IL1RAPL1: variants seen among roughly 807,000 people sequenced by gnomAD.
IL1RAPL1 encodes interleukin 1 receptor accessory protein like 1, also known as interleukin-1 receptor accessory protein-like 1.
A neutral mutation model predicts 48.4 loss-of-function variants in IL1RAPL1; 3 were observed. That is an observed-to-expected ratio of 0.06 (90% confidence interval 0.03 to 0.16). IL1RAPL1 has a LOEUF of 0.16. Among genes scored for constraint, IL1RAPL1 ranks in the 10% least tolerant of loss-of-function variants. The pLI is 1.00. For synonymous variants in IL1RAPL1, 185 were observed against 187.7 expected, an observed-to-expected ratio of 0.99 and a Z score of 0.12; for missense variants, 349 against 530.6, an observed-to-expected ratio of 0.66 and a Z score of 3.36.
intron 5 of IL1RAPL1, among the ~76,000 whole-genome samples, chrX:29,506,420 TCTTCTTCTCCTTCTC>T (rs1935327719): frequency 1.3e-5 from 1 of 74,211 alleles, no homozygotes; most frequent in African/African-American, 5.2e-5. Flanking sequence ...TTTCTCTTCT[TCTTCTTCTCCTTCTC>T]CTTCTCCTCC....
intron 2 of IL1RAPL1, among the ~76,000 whole-genome samples, chrX:29,155,017 T>C (rs1334228589): frequency 1.8e-5 from 2 of 109,178 alleles, no homozygotes; most frequent in African/African-American, 3.3e-5. Flanking sequence ...CTTTTTTTTT[T>C]TTTTCTTGAG....
intron 2 of IL1RAPL1, among the ~76,000 whole-genome samples, chrX:28,862,550 C>T (rs1044533222): frequency 3.0e-4 from 34 of 111,574 alleles, no homozygotes; most frequent in Non-Finnish European, 4.7e-4. Context: ...AACTTCAGGC[C>T]ACTCCCTGTG....
chrX:29,580,384 G>A (rs1269465429), intron 5 of IL1RAPL1, among the ~76,000 whole-genome samples: 3 of 111,371 alleles, frequency 2.7e-5, no homozygotes, highest in East Asian at 2.8e-4. Flanking sequence ...GATTTGTGGA[G>A]ATGTCTCCAC....
chrX:29,564,098 G>A (rs1922324102), intron 5 of IL1RAPL1, among the ~76,000 whole-genome samples: 1 of 111,431 alleles, frequency 9.0e-6, no homozygotes, highest in Admixed American at 9.6e-5. Context: ...TAATTTATTG[G>A]AACTGTGAGT....
At chrX:28,940,933 T>C (rs1202716408) in intron 2 of IL1RAPL1, among the ~76,000 whole-genome samples, 1 of 110,841 alleles carries the variant, frequency 9.0e-6, no homozygotes. Context: ...TGAGTGAAAA[T>C]TGGATTTTCC....
At chrX:29,952,240 C>T (rs1381282529) in intron 9 of IL1RAPL1, among the ~76,000 whole-genome samples, 2 of 111,655 alleles carry the variant, frequency 1.8e-5, no homozygotes, top group African/African-American at 3.3e-5. Context: ...CTAATTATTA[C>T]ACAACCCCAG....
chrX:29,281,435 G>C (rs887745102), intron 2 of IL1RAPL1, among the ~76,000 whole-genome samples: 47 of 111,098 alleles, frequency 4.2e-4, no homozygotes, highest in African/African-American at 1.5e-3. Context: ...ATCAAAAAAT[G>C]GTGTCAAGAT....
chrX:28,724,483 A>G (rs1440478860), intron 1 of IL1RAPL1, among the ~76,000 whole-genome samples: 4 of 110,478 alleles, frequency 3.6e-5, no homozygotes, highest in Admixed American at 9.7e-5. Flanking sequence ...TTGAGCCTAT[A>G]TGTGTCTCTG....
intron 5 of IL1RAPL1, among the ~76,000 whole-genome samples, chrX:29,565,434 C>T (rs185716459): frequency 8.4e-4 from 93 of 110,795 alleles, no homozygotes; most frequent in Admixed American, 3.6e-3. Context: ...GATCACTATT[C>T]GGAATATGCA....
chrX:28,729,211 A>T (rs890140018), intron 1 of IL1RAPL1, among the ~76,000 whole-genome samples: 1 of 111,916 alleles, frequency 8.9e-6, no homozygotes, highest in African/African-American at 3.2e-5. Context: ...AATTATATGT[A>T]TAAAATTCCC....
chrX:29,508,205 A>G (rs1475746403), intron 5 of IL1RAPL1, among the ~76,000 whole-genome samples: 1 of 111,530 alleles, frequency 9.0e-6, no homozygotes, highest in African/African-American at 3.3e-5. Context: ...TAAGAAACAC[A>G]TGAAATAAGT....
At chrX:29,741,960 A>C (rs1928218442) in intron 6 of IL1RAPL1, among the ~76,000 whole-genome samples, 1 of 108,189 alleles carries the variant, frequency 9.2e-6, no homozygotes, top group Non-Finnish European at 1.9e-5. Flanking sequence ...AAAAAAGAAA[A>C]GCCCCATGTC....
intron 2 of IL1RAPL1, among the ~76,000 whole-genome samples, chrX:29,031,796 A>G (rs1926625444): frequency 9.0e-6 from 1 of 111,602 alleles, no homozygotes; most frequent in African/African-American, 3.3e-5. Flanking sequence ...ATATCAGTAA[A>G]AAGTACCACT....
At chrX:29,191,306 T>C (rs1930347805) in intron 2 of IL1RAPL1, among the ~76,000 whole-genome samples, 1 of 112,005 alleles carries the variant, frequency 8.9e-6, no homozygotes, top group African/African-American at 3.2e-5. Flanking sequence ...TCACTTACTT[T>C]TCTTTTAAGT....
chrX:28,916,565 T>C (rs1043135712), intron 2 of IL1RAPL1, among the ~76,000 whole-genome samples: 1 of 112,336 alleles, frequency 8.9e-6, no homozygotes. Flanking sequence ...TGTGCTAGAA[T>C]TGTGTGTTTG....
chrX:28,702,031 T>G (rs1305314617), intron 1 of IL1RAPL1, among the ~76,000 whole-genome samples: 1 of 111,504 alleles, frequency 9.0e-6, no homozygotes, highest in African/African-American at 3.2e-5. Flanking sequence ...TATCTGACAG[T>G]GAAATGATGC....
At chrX:29,100,231 A>G (rs912627197) in intron 2 of IL1RAPL1, among the ~76,000 whole-genome samples, 22 of 111,751 alleles carry the variant, frequency 2.0e-4, no homozygotes, top group Non-Finnish European at 3.0e-4. Flanking sequence ...ATAAATAAAA[A>G]CTTTAGACAA....
At chrX:29,310,588 A>G (rs1321012208) in intron 3 of IL1RAPL1, among the ~76,000 whole-genome samples, 1 of 110,648 alleles carries the variant, frequency 9.0e-6, no homozygotes, top group Admixed American at 9.6e-5. Context: ...ATTTTATGTC[A>G]TTGTCCCAAG....
intron 6 of IL1RAPL1, among the ~76,000 whole-genome samples, chrX:29,890,983 T>A (rs1174352312): frequency 8.9e-6 from 1 of 111,985 alleles, no homozygotes; most frequent in Non-Finnish European, 1.9e-5. Context: ...TGAGGAAAGT[T>A]TGTGAAATAG....
Sources: allele counts gnomAD v4.1 joint callset (sites outside exome capture counted in the v4.1 genomes callset), GRCh38; gene constraint gnomAD v4.1.1; transcripts MANE v1.5; gene names NCBI Gene and HGNC (gene_info 2026-07-23, HGNC 2026-07-21).